The following NTM variants were observed in gnomAD, a reference collection of about 807,000 sequenced individuals.
The protein encoded by NTM is IgLON family member 2.
A neutral mutation model predicts 42.1 loss-of-function variants in NTM; 13 were observed. That is an observed-to-expected ratio of 0.31 (90% CI 0.20 to 0.49). The LOEUF is 0.49. NTM is among the 20% of genes least tolerant of loss of function. NTM has a pLI of 0.99. For synonymous variants in NTM, 187 were observed against 179.2 expected, an observed-to-expected ratio of 1.04 and a Z score of -0.35; for missense variants, 373 against 452.8, an observed-to-expected ratio of 0.82 and a Z score of 1.60.
intron 2 of NTM, among the ~76,000 whole-genome samples, chr11:131,916,755 A>G (rs1415913337): frequency 6.6e-6 from 1 of 152,182 alleles, no homozygotes; most frequent in Non-Finnish European, 1.5e-5. Flanking sequence ...TCCGCAGCAC[A>G]TGGCTTGGCC....
intron 2 of NTM, among the ~76,000 whole-genome samples, chr11:132,139,697 A>G (rs2068701436): frequency 6.6e-6 from 1 of 152,162 alleles, no homozygotes; most frequent in South Asian, 2.1e-4. Context: ...GTGCATTTGT[A>G]TTTGTGAGTG....
intron 1 of NTM, among the ~76,000 whole-genome samples, chr11:131,464,246 C>A (rs1027950550): frequency 1.3e-5 from 2 of 152,042 alleles, no homozygotes; most frequent in Non-Finnish European, 2.9e-5. Context: ...TCTGGGAATG[C>A]GGCAGGGAGT....
At chr11:132,054,032 G>A (rs1407878732) in intron 2 of NTM, among the ~76,000 whole-genome samples, 2 of 152,162 alleles carry the variant, frequency 1.3e-5, no homozygotes, top group Admixed American at 6.5e-5. Flanking sequence ...CCTGATCAAC[G>A]TGGTGAAATC....
rs771523147 is a variant in NTM, at chr11:131,983,970, C to A, written c.167+72322C>A. Among the ~76,000 whole-genome samples the A allele has an allele frequency of 2.0e-4, 31 of 152,190 alleles. 1 individual carries two copies. Among genetic ancestry groups the A allele is most frequent in the Non-Finnish European group, 4.0e-4 (27 of 68,038 alleles). On this transcript the variant is annotated intron_variant, in intron 2 of 8. Transcript: ENST00000683400. ...ATGGTATATATCACTTTTTCACATT[C>A]TTTTGGCTAGAATGAAATTACTTGA...
At chr11:131,969,509 T>A (rs2063258943) in intron 2 of NTM, among the ~76,000 whole-genome samples, 1 of 152,230 alleles carries the variant, frequency 6.6e-6, no homozygotes, top group African/African-American at 2.4e-5. Flanking sequence ...TCCTTTAATC[T>A]GTTGGCTTTG....
intron 3 of NTM, among the ~76,000 whole-genome samples, chr11:132,203,419 T>G (rs1224835706): frequency 6.6e-6 from 1 of 152,162 alleles, no homozygotes; most frequent in Non-Finnish European, 1.5e-5. Context: ...ATGAATACAA[T>G]CAGAGACTCT....
intron 1 of NTM, among the ~76,000 whole-genome samples, chr11:131,769,061 C>T (rs2085607767): frequency 6.6e-6 from 1 of 152,170 alleles, no homozygotes; most frequent in Non-Finnish European, 1.5e-5. Context: ...ACCTGAATTA[C>T]CATCAAGTAT....
At chr11:132,234,563 T>C (rs1332750385) in intron 4 of NTM, among the ~76,000 whole-genome samples, 1 of 152,220 alleles carries the variant, frequency 6.6e-6, no homozygotes, top group East Asian at 1.9e-4. Flanking sequence ...CTCAATTTAC[T>C]ACATTTCTTT....
At chr11:131,968,930 T>C (rs2063187620) in intron 2 of NTM, among the ~76,000 whole-genome samples, 1 of 152,214 alleles carries the variant, frequency 6.6e-6, no homozygotes, top group Admixed American at 6.5e-5. Context: ...AACTCCCTTA[T>C]GGATTATTTG....
intron 1 of NTM, among the ~76,000 whole-genome samples, chr11:131,510,162 T>A (rs2048043938): frequency 6.6e-6 from 1 of 152,134 alleles, no homozygotes; most frequent in Non-Finnish European, 1.5e-5. Context: ...ACTGTCCCAC[T>A]TAGGGGGAAA....
intron 2 of NTM, among the ~76,000 whole-genome samples, chr11:132,103,769 C>T (rs572005268): frequency 4.0e-4 from 61 of 152,240 alleles, no homozygotes; most frequent in African/African-American, 1.3e-3. Flanking sequence ...TTAATTCTTC[C>T]GAGACTTAAT....
chr11:132,085,605 G>C (rs1452024483), intron 2 of NTM, among the ~76,000 whole-genome samples: 1 of 152,136 alleles, frequency 6.6e-6, no homozygotes, highest in Non-Finnish European at 1.5e-5. Flanking sequence ...GAACTAAAAG[G>C]CGTTAAAGCT....
chr11:131,753,035 A>T (rs549951482), intron 1 of NTM, among the ~76,000 whole-genome samples: 1 of 127,650 alleles, frequency 7.8e-6, no homozygotes, highest in Admixed American at 8.4e-5. Context: ...AGCACAAACA[A>T]ATTTACAAGA....
At chr11:131,432,842 T>A in intron 1 of NTM, among the ~76,000 whole-genome samples, 1 of 6,230 alleles carries the variant, frequency 1.6e-4, no homozygotes, top group Admixed American at 1.7e-3. Context: ...TAGCATTCTT[T>A]TTTTTTTTTT....
At chr11:131,429,322 C>T (rs1948462932) in intron 1 of NTM, among the ~76,000 whole-genome samples, 1 of 152,060 alleles carries the variant, frequency 6.6e-6, no homozygotes, top group African/African-American at 2.4e-5. Context: ...GTTCTCCATT[C>T]CTTCACAGTG....
chr11:131,509,005 T>C (rs1179565787), intron 1 of NTM, among the ~76,000 whole-genome samples: 9 of 151,870 alleles, frequency 5.9e-5, no homozygotes, highest in South Asian at 4.2e-4. Context: ...CTGCACAATG[T>C]GCACATGTAC....
At chr11:131,438,958 G>A (rs1365470576) in intron 1 of NTM, among the ~76,000 whole-genome samples, 3 of 152,158 alleles carry the variant, frequency 2.0e-5, no homozygotes, top group Non-Finnish European at 4.4e-5. Flanking sequence ...GTGACCTATA[G>A]ATGGGGTTTT....
At chr11:131,800,382 C>T (rs1337504890) in intron 1 of NTM, among the ~76,000 whole-genome samples, 1 of 152,220 alleles carries the variant, frequency 6.6e-6, no homozygotes. Context: ...CTGTGAGCTT[C>T]ACCTTCTATC....
chr11:131,542,944 C>T (rs1428299789), intron 1 of NTM, among the ~76,000 whole-genome samples: 4 of 152,152 alleles, frequency 2.6e-5, no homozygotes, highest in Admixed American at 2.6e-4. Flanking sequence ...ACAGTGATTC[C>T]CAAAACAATC....
Sources: allele counts gnomAD v4.1 joint callset (sites outside exome capture counted in the v4.1 genomes callset), GRCh38; gene constraint gnomAD v4.1.1; transcripts MANE v1.5; gene names NCBI Gene and HGNC (gene_info 2026-07-23, HGNC 2026-07-21).